Variants in GTF2I observed in about 807,000 individuals in gnomAD.
GTF2I encodes the protein general transcription factor II-I.
GTF2I carries 12 observed loss-of-function variants against 67.6 expected under a neutral mutation model. The ratio of observed to expected loss-of-function variants is 0.18; its 90% CI spans 0.11 to 0.29. The LOEUF (loss-of-function observed/expected upper bound fraction) is 0.29. Among genes scored for constraint, GTF2I ranks in the 10% least tolerant of loss-of-function variants. The probability of loss-of-function intolerance (pLI) is 1.00; values close to 1 mark genes in which losing one functional copy is unlikely to be tolerated. For synonymous variants in GTF2I, 149 were observed against 197.0 expected, an observed-to-expected ratio of 0.76 and a Z score of 2.04; for missense variants, 271 against 580.1, an observed-to-expected ratio of 0.47 and a Z score of 5.47.
At chr7:74,718,107 C>T (rs1449014542) in intron 11 of GTF2I, among the ~76,000 whole-genome samples, 4 of 152,218 alleles carry the variant, frequency 2.6e-5, no homozygotes, top group Non-Finnish European at 4.4e-5. Context: ...GCAGCCCCGC[C>T]GGCAGGTACT....
At chr7:74,706,661 G>T (rs1163729991) in intron 8 of GTF2I, among the ~76,000 whole-genome samples, 2 of 151,852 alleles carry the variant, frequency 1.3e-5, no homozygotes, top group Non-Finnish European at 2.9e-5. Context: ...ACATATGTTT[G>T]TAGATAAAAT....
chr7:74,681,441 A>T (rs782475594), intron 1 of GTF2I, among the ~76,000 whole-genome samples: 32 of 151,316 alleles, frequency 2.1e-4, no homozygotes, highest in Non-Finnish European at 4.3e-4. Context: ...TCTCAAAAAT[A>T]AAAAAAAAGA....
chr7:74,667,787 G>A (rs1554389150), intron 1 of GTF2I, among the ~76,000 whole-genome samples: 2 of 151,662 alleles, frequency 1.3e-5, no homozygotes, highest in Non-Finnish European at 2.9e-5. Flanking sequence ...CAAAGTGCTG[G>A]GATTAGAGAC....
At chr7:74,699,747 C>G (rs1469168412) in intron 4 of GTF2I, 2 of 155,870 alleles carry the variant, frequency 1.3e-5, no homozygotes, top group African/African-American at 2.4e-5. Context: ...AGGTGAAAAT[C>G]AATTCTCTGG....
intron 2 of GTF2I, among the ~76,000 whole-genome samples, chr7:74,689,453 C>T (rs1788061287): frequency 1.4e-5 from 2 of 143,458 alleles, no homozygotes; most frequent in South Asian, 2.2e-4. Flanking sequence ...CTCCCGGGTT[C>T]AAGCGATTCT....
At chr7:74,678,524 A>G (rs1307769667) in intron 1 of GTF2I, among the ~76,000 whole-genome samples, 4 of 152,036 alleles carry the variant, frequency 2.6e-5, no homozygotes, top group African/African-American at 9.7e-5. Flanking sequence ...TAGCCTGTAG[A>G]AATTTGTGCA....
intron 3 of GTF2I, among the ~76,000 whole-genome samples, chr7:74,693,506 C>T (rs906095681): frequency 7.6e-4 from 116 of 152,042 alleles, no homozygotes; most frequent in African/African-American, 2.7e-3. Flanking sequence ...GCCTGGTCCC[C>T]CATCATTCCC....
chr7:74,705,227 T>C lies in GTF2I; in HGVS notation c.641+9T>C. The C allele has an allele frequency of 6.5e-7, 1 of 1,533,678 alleles. No individual in the cohort carries two copies. The highest frequency in any genetic ancestry group is 1.4e-5 in the African/African-American group (1 of 73,518). The stretch of plus-strand genomic sequence containing the variant: ...CTATCTCCAGGTGGAAGGTAAAACC[T>C]AATTTCATTACTGCTGTTTAACTCC... On this transcript the variant is annotated intron_variant, in intron 7 of 34. Transcript: ENST00000573035.
chr7:74,678,149 G>A (rs888193130), intron 1 of GTF2I, among the ~76,000 whole-genome samples: 3 of 151,618 alleles, frequency 2.0e-5, no homozygotes, highest in Non-Finnish European at 4.4e-5. Flanking sequence ...TCACCTCCTG[G>A]GCTCAAGCCA....
intron 9 of GTF2I, among the ~76,000 whole-genome samples, chr7:74,712,753 T>G (rs1791768985): frequency 1.3e-5 from 2 of 148,616 alleles, no homozygotes; most frequent in South Asian, 4.3e-4. Flanking sequence ...AACCTCCGCT[T>G]GCCGGGTTCA....
At chr7:74,683,929 T>G (rs1265330189) in intron 1 of GTF2I, among the ~76,000 whole-genome samples, 1 of 152,078 alleles carries the variant, frequency 6.6e-6, no homozygotes, top group Admixed American at 6.5e-5. Context: ...ATGTCCTCAT[T>G]TTACCTGGTT....
In GTF2I at chr7:74,688,197, G is replaced by A. The variant is rs151143133; in HGVS notation, c.-5-927G>A. On this transcript the variant is annotated intron_variant, in intron 1 of 34. Transcript: ENST00000573035. ...AGGTTCAAGCGATTCCCCTGTCTCA[G>A]ACTCTTGAGTAGCCGGGATTACAGG... is the stretch of plus-strand genomic sequence containing the variant. Among the ~76,000 whole-genome samples the A allele has an allele frequency of 5.4e-3, 826 of 152,184 alleles. 9 individuals carry two copies. Among genetic ancestry groups the A allele is most frequent in the African/African-American group, 0.018 (735 of 41,510 alleles).
chr7:74,714,962 A>T (rs782643535), intron 10 of GTF2I, 46 bp downstream of exon 10: 4 of 1,155,482 alleles, frequency 3.5e-6, no homozygotes, highest in Non-Finnish European at 5.1e-6. Flanking sequence ...CTTGTGTTTA[A>T]TGTTTCCTTA....
intron 26 of GTF2I, among the ~76,000 whole-genome samples, chr7:74,750,667 G>A (rs1795769193): frequency 1.1e-5 from 1 of 88,778 alleles, no homozygotes; most frequent in Non-Finnish European, 2.1e-5. Context: ...GTGCAGTGGT[G>A]TGTGATATCG....
chr7:74,661,570 T>C (rs1804495284), intron 1 of GTF2I, among the ~76,000 whole-genome samples: 2 of 151,946 alleles, frequency 1.3e-5, no homozygotes, highest in East Asian at 1.9e-4. Flanking sequence ...TTTCAGCTAC[T>C]TGGGGAGGCT....
At position 74,711,013 on chromosome 7, in the gene GTF2I, AT is replaced by A; in HGVS notation, c.686-17del. 1 of 1,352,892 alleles carries A rather than the reference AT, an allele frequency of 7.4e-7. No homozygotes were observed. Among genetic ancestry groups the A allele is most frequent in the Non-Finnish European group, 1.0e-6 (1 of 963,436 alleles). 83.8% of individuals were successfully genotyped at this position (1,352,892 alleles called of 1,614,324 possible). A position where few individuals can be genotyped will look rare whatever the true frequency, so the allele number is the denominator to read the frequency against. ...GAAAGTTCTCACATGCAATCATATC[AT>A]TGCATTTGCTTTTCTAGGCATTTCC... On this transcript the variant is annotated intron_variant, in intron 8 of 34. Transcript: ENST00000573035.
rs1205548063 is a variant in GTF2I, at chr7:74,731,350, C to T, written c.1120+1056C>T. On this transcript the variant is annotated intron_variant, in intron 14 of 34. Transcript: ENST00000573035. ...TATTGATGGTATTTGTGTTAACAAA[C>T]TTAAAATGAGCATTTTTTCTTCATC... 4.2e-5 allele frequency among the ~76,000 whole-genome samples: 6 copies of T among 142,918 alleles called. No homozygotes were observed. In the East Asian group the frequency reaches 1.0e-3, roughly 25 times the overall value. 93.8% of individuals were successfully genotyped at this position (142,918 alleles called of 152,430 possible). A position where few individuals can be genotyped will look rare whatever the true frequency, so the allele number is the denominator to read the frequency against.
chr7:74,670,860 G>C (rs964872524), intron 1 of GTF2I, among the ~76,000 whole-genome samples: 4 of 151,922 alleles, frequency 2.6e-5, no homozygotes, highest in Non-Finnish European at 5.9e-5. Flanking sequence ...TTTGTGTATT[G>C]GCAGAGTAAG....
At chr7:74,667,735 C>T (rs1329212478) in intron 1 of GTF2I, among the ~76,000 whole-genome samples, 2 of 151,370 alleles carry the variant, frequency 1.3e-5, no homozygotes, top group African/African-American at 4.9e-5. Context: ...CCAGGCTGGT[C>T]TCCAACTCCT....
Sources: allele counts gnomAD v4.1 joint callset (sites outside exome capture counted in the v4.1 genomes callset), GRCh38; gene constraint gnomAD v4.1.1; transcripts MANE v1.5; gene names NCBI Gene and HGNC (gene_info 2026-07-23, HGNC 2026-07-21).